Variants in RABGAP1L observed in about 807,000 individuals in gnomAD.
The protein encoded by RABGAP1L is rab GTPase-activating protein 1-like.
Under a neutral mutation model 137.7 loss-of-function variants are expected in RABGAP1L, and 63 were observed. The ratio of observed to expected loss-of-function variants is 0.46; its 90% CI spans 0.37 to 0.56. RABGAP1L has a LOEUF of 0.56. Ranked by LOEUF, RABGAP1L falls within the 20% of genes least tolerant of loss-of-function variation. RABGAP1L has a pLI of 0.00. For synonymous variants in RABGAP1L, 431 were observed against 433.7 expected, an observed-to-expected ratio of 0.99 and a Z score of 0.08; for missense variants, 1,095 against 1,244.0, an observed-to-expected ratio of 0.88 and a Z score of 1.80.
chr1:174,871,984 AAGCTGAAT>A (rs986710309), intron 19 of RABGAP1L, among the ~76,000 whole-genome samples: 2 of 152,172 alleles, frequency 1.3e-5, no homozygotes, highest in Admixed American at 1.3e-4. Flanking sequence ...ATGAGGTAAA[AAGCTGAAT>A]TGTTAAAGAG....
At chr1:174,969,417 T>C (rs1669938515) in intron 21 of RABGAP1L, 30 bp downstream of exon 21, 1 of 1,502,682 alleles carries the variant, frequency 6.7e-7, no homozygotes. Context: ...CTGTGATGAC[T>C]TCCTCAGGGC....
At chr1:174,465,256 A>G (rs1207434856) in intron 13 of RABGAP1L, among the ~76,000 whole-genome samples, 2 of 152,030 alleles carry the variant, frequency 1.3e-5, no homozygotes, top group South Asian at 2.1e-4. Flanking sequence ...CTGGAGTGCA[A>G]TGGTGTGATC....
At chr1:174,877,963 T>C (rs1269024606) in intron 19 of RABGAP1L, among the ~76,000 whole-genome samples, 2 of 152,238 alleles carry the variant, frequency 1.3e-5, no homozygotes, top group African/African-American at 2.4e-5. Flanking sequence ...AATAACATCA[T>C]CTGAGAATTG....
At chr1:174,326,945 C>T (rs1420558997) in intron 11 of RABGAP1L, among the ~76,000 whole-genome samples, 1 of 152,038 alleles carries the variant, frequency 6.6e-6, no homozygotes, top group Non-Finnish European at 1.5e-5. Flanking sequence ...AACCTGTCAA[C>T]CAAGAATACT....
At chr1:174,872,454 A>C (rs1473566342) in intron 19 of RABGAP1L, among the ~76,000 whole-genome samples, 1 of 152,164 alleles carries the variant, frequency 6.6e-6, no homozygotes, top group Non-Finnish European at 1.5e-5. Flanking sequence ...CACTTAGAGC[A>C]CATGGGCTTT....
chr1:174,940,043 C>T (rs1243050796), intron 19 of RABGAP1L, among the ~76,000 whole-genome samples: 4 of 152,132 alleles, frequency 2.6e-5, no homozygotes, highest in Non-Finnish European at 4.4e-5. Context: ...CTTAAGGCAT[C>T]CCAATGGAGT....
intron 18 of RABGAP1L, among the ~76,000 whole-genome samples, chr1:174,758,070 C>T (rs1308578492): frequency 1.3e-5 from 2 of 150,804 alleles, no homozygotes; most frequent in East Asian, 3.9e-4. Context: ...ATGTTTTTGG[C>T]TTTTCAGCCC....
intron 9 of RABGAP1L, among the ~76,000 whole-genome samples, chr1:174,277,977 T>C (rs927573494): frequency 5.9e-5 from 9 of 152,186 alleles, no homozygotes; most frequent in South Asian, 2.1e-4. Context: ...TTTCTTCTAG[T>C]GGTGGCCTTG....
At chr1:174,742,071 A>T (rs1484837693) in intron 17 of RABGAP1L, among the ~76,000 whole-genome samples, 1 of 53,120 alleles carries the variant, frequency 1.9e-5, no homozygotes, top group Non-Finnish European at 3.0e-5. Flanking sequence ...GAGGAAGAGG[A>T]GGGGGAGGGG....
At chr1:174,635,434 C>T (rs528564699) in intron 13 of RABGAP1L, among the ~76,000 whole-genome samples, 1 of 152,182 alleles carries the variant, frequency 6.6e-6, no homozygotes, top group Admixed American at 6.5e-5. Context: ...CTTTGGTTTG[C>T]CTGGTTACCA....
At chr1:174,426,370 C>G (rs1379581250) in intron 13 of RABGAP1L, among the ~76,000 whole-genome samples, 1 of 152,036 alleles carries the variant, frequency 6.6e-6, no homozygotes, top group Non-Finnish European at 1.5e-5. Context: ...AGCATTTAAA[C>G]TATTAAGGCT....
At chr1:174,611,139 G>C (rs1239536984) in intron 13 of RABGAP1L, among the ~76,000 whole-genome samples, 31 of 148,428 alleles carry the variant, frequency 2.1e-4, no homozygotes, top group Non-Finnish European at 4.1e-4. Flanking sequence ...CCATGCCTAT[G>C]TCCTGAATGG....
At chr1:174,842,318 C>T (rs1693502767) in intron 19 of RABGAP1L, among the ~76,000 whole-genome samples, 1 of 152,162 alleles carries the variant, frequency 6.6e-6, no homozygotes, top group Non-Finnish European at 1.5e-5. Context: ...CCAATATACC[C>T]ACAGTACACA....
At chr1:174,548,013 T>C (rs764117455) in intron 13 of RABGAP1L, 23 of 1,550,510 alleles carry the variant, frequency 1.5e-5, no homozygotes, top group Non-Finnish European at 1.8e-5. Context: ...TGTACAAATA[T>C]GTCCTAAAAC....
At chr1:174,392,551 A>T (rs1647283586) in intron 12 of RABGAP1L, among the ~76,000 whole-genome samples, 1 of 152,256 alleles carries the variant, frequency 6.6e-6, no homozygotes, top group Non-Finnish European at 1.5e-5. Flanking sequence ...AGAAAAGGCT[A>T]AAAGAAACCA....
chr1:174,247,197 G>A (rs1015140453), intron 5 of RABGAP1L, among the ~76,000 whole-genome samples: 11 of 152,088 alleles, frequency 7.2e-5, no homozygotes, highest in Non-Finnish European at 1.6e-4. Context: ...CATAAAGAAT[G>A]TGAAAAAGAA....
intron 19 of RABGAP1L, chr1:174,934,819 G>GTATACACA (rs1232486848): frequency 1.3e-5 from 2 of 151,516 alleles, no homozygotes; most frequent in East Asian, 3.9e-4. Flanking sequence ...GTATGTGTGT[G>GTATACACA]TATACACATA....
chr1:174,935,408 G>A (rs1664602964), intron 19 of RABGAP1L: 1 of 152,148 alleles, frequency 6.6e-6, no homozygotes, highest in Non-Finnish European at 1.5e-5. Flanking sequence ...CATTTACAAA[G>A]CCTAGGAGAT....
intron 13 of RABGAP1L, among the ~76,000 whole-genome samples, chr1:174,577,664 A>G (rs1010157738): frequency 5.9e-5 from 9 of 152,212 alleles, no homozygotes; most frequent in African/African-American, 1.4e-4. Context: ...TCTAAAACCA[A>G]CCATTAAACC....
Sources: gnomAD v4.1 joint callset for allele counts (sites outside exome capture counted in the v4.1 genomes callset) on GRCh38, gnomAD v4.1.1 for gene constraint, MANE v1.5 for transcripts, NCBI Gene and HGNC (gene_info 2026-07-23, HGNC 2026-07-21) for gene names.